Variants in CUX1 observed in about 807,000 individuals in gnomAD.
The protein encoded by CUX1 is protein CASP.
In CUX1, 31 loss-of-function variants were observed where a neutral mutation model predicts 158.8. The observed-to-expected ratio is 0.20, with a 90% CI of 0.15 to 0.26. The LOEUF is 0.26. Ranked by LOEUF, CUX1 falls within the 10% of genes least tolerant of loss-of-function variation. The pLI, the probability that CUX1 is intolerant of heterozygous loss-of-function variation, is 1.00. For missense variants in CUX1, 1,589 were observed against 2,014.6 expected (o/e 0.79, Z 4.04); for synonymous variants, 879 against 862.1 (o/e 1.02, Z -0.34).
intron 8 of CUX1, among the ~76,000 whole-genome samples, chr7:102,150,623 G>C (rs1554503312): frequency 6.6e-6 from 1 of 152,218 alleles, no homozygotes; most frequent in East Asian, 1.9e-4. Context: ...CCAACACCGT[G>C]CCCCGATGCC....
At chr7:102,231,767 G>T (rs1026552821) in intron 21 of CUX1, among the ~76,000 whole-genome samples, 1 of 147,574 alleles carries the variant, frequency 6.8e-6, no homozygotes, top group African/African-American at 2.5e-5. Flanking sequence ...AGGCTGGAGT[G>T]CAGTGGCACG....
chr7:102,119,517 C>T (rs1181218073), intron 8 of CUX1, among the ~76,000 whole-genome samples: 2 of 152,172 alleles, frequency 1.3e-5, no homozygotes, highest in African/African-American at 4.8e-5. Context: ...TTTGTCCTGT[C>T]GTTGAGAGTG....
At position 102,178,663 on chromosome 7, in the gene CUX1, G is replaced by A; in HGVS notation, c.1017+6G>A. 3.1e-6 allele frequency: 5 copies of A among 1,601,360 alleles called. No individual in the cohort carries two copies. The highest frequency in any genetic ancestry group is 4.3e-6 in the Non-Finnish European group (5 of 1,173,268). Reference sequence around the variant, plus strand: ...CCAAAAACAGCACACTCAAAGTAAGGGGGCTGCGGGGCCCGGGGGTGGCCC... The same window carrying A: ...CCAAAAACAGCACACTCAAAGTAAGAGGGCTGCGGGGCCCGGGGGTGGCCC... On this transcript the variant is annotated splice_donor_region_variant and intron_variant, in intron 11 of 23. Transcript: ENST00000292535.
intron 8 of CUX1, among the ~76,000 whole-genome samples, chr7:102,151,617 T>C (rs1585927590): frequency 1.3e-5 from 2 of 149,704 alleles, no homozygotes; most frequent in African/African-American, 4.9e-5. Flanking sequence ...TTCCAGCTAC[T>C]TGGGAGAGGC....
At chr7:102,030,689 G>GTTTTTTTTTTTTT (rs1585341128) in intron 3 of CUX1, among the ~76,000 whole-genome samples, 1 of 82,546 alleles carries the variant, frequency 1.2e-5, no homozygotes, top group African/African-American at 5.3e-5. Context: ...ATTTTAAAAA[G>GTTTTTTTTTTTTT]TGTTTTTTTT....
Position 101,916,184 on chromosome 7 carries a change from C to T in CUX1, c.100C>T (p.Leu34Phe). 6.2e-7 allele frequency: 1 copy of T among 1,613,968 alleles called. No homozygotes were observed. The highest frequency in any genetic ancestry group is 8.5e-7 in the Non-Finnish European group (1 of 1,179,916). ...QDESEQSRKRLIEQSREFKKN... is the reference protein window; with the variant it reads ...QDESEQSRKRFIEQSREFKKN... ...TGAAAGTGAGCAGTCCAGAAAGCGG[C>T]TTATCGAACAGAGCCGGGAGTTCAA... Residue 34 changes from leucine (L) to phenylalanine (F), a missense_variant, in exon 2 of 24, where the codon CTT becomes TTT. By Grantham distance (22) the Leu-to-Phe change is conservative. This residue lies in a region of CUX1 where 63 missense variants were observed against 109.2 expected (regional missense o/e 0.58). Coordinates refer to ENST00000292535, the MANE Select transcript of CUX1 (RefSeq NM_181552.4). This position sits in a 1 kb window ranked among gnomAD's most constrained non-coding sequence, Gnocchi z 4.4.
intron 7 of CUX1, among the ~76,000 whole-genome samples, chr7:102,114,563 G>A (rs1214021249): frequency 6.6e-6 from 1 of 152,120 alleles, no homozygotes; most frequent in Non-Finnish European, 1.5e-5. Context: ...CGCCCAACCA[G>A]AAATAATAAA....
intron 2 of CUX1, among the ~76,000 whole-genome samples, chr7:101,974,999 G>A (rs1190339147): frequency 6.6e-6 from 1 of 152,180 alleles, no homozygotes; most frequent in Non-Finnish European, 1.5e-5. Context: ...TCTAATCCCA[G>A]CACTTTGGGA....
At chr7:101,825,697 T>C (rs1404494222) in intron 1 of CUX1, among the ~76,000 whole-genome samples, 1 of 152,108 alleles carries the variant, frequency 6.6e-6, no homozygotes, top group East Asian at 1.9e-4. Flanking sequence ...TACGTGGCTC[T>C]GTGTTGGTAT....
chr7:102,079,955 T>C (rs1827177451), intron 4 of CUX1, among the ~76,000 whole-genome samples: 1 of 152,128 alleles, frequency 6.6e-6, no homozygotes, highest in Non-Finnish European at 1.5e-5. Flanking sequence ...AAACCAGGCA[T>C]GGAAGCAGCG....
chr7:102,175,675 C>T (rs573092219), intron 10 of CUX1, among the ~76,000 whole-genome samples: 1 of 152,272 alleles, frequency 6.6e-6, no homozygotes, highest in East Asian at 1.9e-4. Flanking sequence ...TCCCGAGGCC[C>T]ACCCATTCCC....
intron 3 of CUX1, among the ~76,000 whole-genome samples, chr7:102,046,508 CAGGCGTAA>C (rs1478363747): frequency 6.6e-6 from 1 of 151,510 alleles, no homozygotes; most frequent in African/African-American, 2.4e-5. Context: ...GCTGGGATTA[CAGGCGTAA>C]GCCACTGTGC....
intron 15 of CUX1, among the ~76,000 whole-genome samples, chr7:102,273,722 G>A (rs1171594953): frequency 6.6e-6 from 1 of 152,252 alleles, no homozygotes; most frequent in Non-Finnish European, 1.5e-5. Context: ...CCTAGCGGTA[G>A]CACAGAGGCC....
intron 7 of CUX1, 135 bp from the exon 8 acceptor site, chr7:102,115,072 T>G: frequency 1.4e-6 from 1 of 727,140 alleles, no homozygotes; most frequent in Non-Finnish European, 2.3e-6. Context: ...CTCTTTTGTG[T>G]GTTTTTAATC....
intron 1 of CUX1, among the ~76,000 whole-genome samples, chr7:101,820,717 T>C (rs1167829756): frequency 6.6e-6 from 1 of 152,240 alleles, no homozygotes; most frequent in Non-Finnish European, 1.5e-5. Context: ...AACCAGACCC[T>C]TAATCTTATT....
In CUX1 at chr7:102,248,945, A is replaced by G; in HGVS notation, c.4421A>G (p.Asn1474Ser). 1.3e-6 allele frequency: 2 copies of G among 1,486,622 alleles called. No individual in the cohort carries two copies. The highest frequency in any genetic ancestry group is 1.8e-6 in the Non-Finnish European group (2 of 1,113,660). 92.1% of individuals were successfully genotyped at this position (1,486,622 alleles called of 1,614,324 possible). A position where few individuals can be genotyped will look rare whatever the true frequency, so the allele number is the denominator to read the frequency against. ...EAAGARDSRD[N>S]PLRKKKAANL... ...GCGGGCGCCCGGGACTCGCGCGACAACCCCCTGCGCAAGAAGAAGGCCGCG... is the reference window on the plus strand; with the variant it reads ...GCGGGCGCCCGGGACTCGCGCGACAGCCCCCTGCGCAAGAAGAAGGCCGCG... Residue 1474 changes from asparagine to serine, a missense_variant, in exon 24 of 24, where the codon AAC (asparagine) becomes AGC (serine). Around this residue, in one of 8 missense-constraint regions of CUX1, gnomAD observed 344 missense variants for 323.7 expected, o/e 1.06. Coordinates refer to ENST00000292535, the MANE Select transcript of CUX1 (RefSeq NM_181552.4). The surrounding 1 kb of genome is among the most constrained non-coding windows in gnomAD (Gnocchi z 5.8).
intron 3 of CUX1, among the ~76,000 whole-genome samples, chr7:102,042,307 T>G (rs1822212345): frequency 6.6e-6 from 1 of 152,126 alleles, no homozygotes; most frequent in South Asian, 2.1e-4. Flanking sequence ...GGGTGGAACC[T>G]TAGAATCTGT....
At chr7:102,263,048 CTG>C (rs1225558314), downstream of CUX1, among the ~76,000 whole-genome samples, 89 of 139,182 alleles carry the variant, frequency 6.4e-4, no homozygotes, top group Admixed American at 4.2e-3. Context: ...AAGTCTTACT[CTG>C]TTGCTCAGGC....
chr7:102,221,855 C>G (rs556286317), intron 20 of CUX1, among the ~76,000 whole-genome samples: 1 of 151,698 alleles, frequency 6.6e-6, no homozygotes, highest in South Asian at 2.1e-4. Context: ...TTAAAATATG[C>G]AAATTACCCA....
Sources: allele counts gnomAD v4.1 joint callset (sites outside exome capture counted in the v4.1 genomes callset), GRCh38; gene constraint gnomAD v4.1.1; regional missense constraint gnomAD v4.1.1; non-coding constraint Gnocchi (gnomAD v3.1); transcripts MANE v1.5; gene names NCBI Gene and HGNC (gene_info 2026-07-23, HGNC 2026-07-21).